ERBB4: variants seen among roughly 807,000 people sequenced by gnomAD.
ERBB4 encodes the protein erb-b2 receptor tyrosine kinase 4.
ERBB4 carries 42 observed loss-of-function variants against 158.0 expected under a neutral mutation model. The ratio of observed to expected loss-of-function variants is 0.27; its 90% confidence interval spans 0.21 to 0.34. ERBB4 has a LOEUF of 0.34. ERBB4 is among the 10% of genes least tolerant of loss of function. ERBB4 has a pLI of 1.00. For synonymous variants in ERBB4, 583 were observed against 558.7 expected, an observed-to-expected ratio of 1.04 and a Z score of -0.61; for missense variants, 1,333 against 1,624.1, an observed-to-expected ratio of 0.82 and a Z score of 3.08.
intron 3 of ERBB4, among the ~76,000 whole-genome samples, chr2:211,857,941 A>G (rs896757213): frequency 7.2e-5 from 11 of 152,240 alleles, no homozygotes; most frequent in African/African-American, 2.7e-4. Flanking sequence ...TATGAGGAAA[A>G]TGGTGAGTAC....
At chr2:212,282,474 T>G (rs1055757877) in intron 1 of ERBB4, among the ~76,000 whole-genome samples, 14 of 151,972 alleles carry the variant, frequency 9.2e-5, no homozygotes, top group Admixed American at 6.6e-5. Flanking sequence ...AGATACAAAC[T>G]CTATTTGATT....
intron 5 of ERBB4, among the ~76,000 whole-genome samples, chr2:211,748,573 G>C (rs2075039716): frequency 6.6e-6 from 1 of 152,164 alleles, no homozygotes; most frequent in South Asian, 2.1e-4. Flanking sequence ...CAGATCTATG[G>C]TGAGTCCCTC....
chr2:211,508,672 C>A (rs910179235), intron 20 of ERBB4, among the ~76,000 whole-genome samples: 3 of 152,142 alleles, frequency 2.0e-5, no homozygotes, highest in Non-Finnish European at 4.4e-5. Flanking sequence ...AAGTCACATG[C>A]ACACATATGT....
At chr2:211,734,046 T>C (rs2074519879) in intron 5 of ERBB4, among the ~76,000 whole-genome samples, 1 of 151,930 alleles carries the variant, frequency 6.6e-6, no homozygotes, top group South Asian at 2.1e-4. Flanking sequence ...ATTTAAAAAA[T>C]TTTGAAAAAA....
At chr2:211,441,830 A>G (rs897448924) in intron 20 of ERBB4, among the ~76,000 whole-genome samples, 3 of 152,140 alleles carry the variant, frequency 2.0e-5, no homozygotes, top group African/African-American at 7.2e-5. Flanking sequence ...GCTATTCTTG[A>G]GTCCCTAGTA....
chr2:212,420,505 T>C (rs187791056), intron 1 of ERBB4, among the ~76,000 whole-genome samples: 5 of 152,276 alleles, frequency 3.3e-5, no homozygotes, highest in Admixed American at 6.5e-5. Context: ...GCATGTATTT[T>C]AATTATGAAA....
At chr2:211,493,317 C>T (rs1438823140) in intron 20 of ERBB4, among the ~76,000 whole-genome samples, 1 of 151,918 alleles carries the variant, frequency 6.6e-6, no homozygotes, top group African/African-American at 2.4e-5. Context: ...GGCAAAAATG[C>T]CCAATTTAAT....
chr2:212,253,230 G>A (rs1319277152), intron 1 of ERBB4, among the ~76,000 whole-genome samples: 2 of 151,954 alleles, frequency 1.3e-5, no homozygotes, highest in Non-Finnish European at 2.9e-5. Context: ...AAATTTCCTG[G>A]TAACCCTCTT....
At chr2:212,353,316 C>A (rs1382850551) in intron 1 of ERBB4, among the ~76,000 whole-genome samples, 2 of 150,152 alleles carry the variant, frequency 1.3e-5, no homozygotes, top group Non-Finnish European at 3.0e-5. Context: ...AAAAGATATA[C>A]AAATGTATAT....
intron 2 of ERBB4, among the ~76,000 whole-genome samples, chr2:212,078,153 A>G (rs1043510873): frequency 2.6e-5 from 4 of 152,114 alleles, no homozygotes; most frequent in African/African-American, 9.6e-5. Flanking sequence ...TATAATTTTC[A>G]TCACAGATAT....
At chr2:212,089,012 AAATAAT>A (rs1156609914) in intron 2 of ERBB4, among the ~76,000 whole-genome samples, 5 of 152,130 alleles carry the variant, frequency 3.3e-5, no homozygotes, top group Admixed American at 6.6e-5. Context: ...TAGAATTCTG[AAATAAT>A]AATAACAATA....
intron 1 of ERBB4, among the ~76,000 whole-genome samples, chr2:212,305,642 T>C (rs1290772241): frequency 1.3e-5 from 2 of 151,366 alleles, no homozygotes; most frequent in Non-Finnish European, 3.0e-5. Context: ...GAAACTGGAA[T>C]GTAAAATATT....
chr2:212,023,437 A>T (rs2076700951), intron 2 of ERBB4, among the ~76,000 whole-genome samples: 1 of 152,070 alleles, frequency 6.6e-6, no homozygotes, highest in South Asian at 2.1e-4. Flanking sequence ...ACAAGCTTTA[A>T]ATGATAGACA....
At chr2:212,413,461 A>G (rs934658106) in intron 1 of ERBB4, among the ~76,000 whole-genome samples, 1 of 152,150 alleles carries the variant, frequency 6.6e-6, no homozygotes, top group African/African-American at 2.4e-5. Flanking sequence ...TATTTCATTT[A>G]TTTAATTGGA....
chr2:212,531,384 C>G (rs1359435910), intron 1 of ERBB4, among the ~76,000 whole-genome samples: 1 of 152,126 alleles, frequency 6.6e-6, no homozygotes, highest in Non-Finnish European at 1.5e-5. Flanking sequence ...GGCAAAGGTG[C>G]TATAGAAATA....
At position 211,849,792 on chromosome 2, in the gene ERBB4, A is replaced by C. The variant is rs145041897; in HGVS notation, c.422-61633T>G. On this transcript the variant is annotated intron_variant, in intron 3 of 27. Coordinates refer to ENST00000342788, the MANE Select transcript of ERBB4 (RefSeq NM_005235.3). The stretch of plus-strand genomic sequence containing the variant: ...GATCATCTTTCTATATTGGCATTCC[A>C]AAGAGTAGAACCAAAAGTATATCTT... Among the ~76,000 whole-genome samples, 426 of 151,998 alleles carry C rather than the reference A, an allele frequency of 2.8e-3. 5 individuals carry two copies. Among genetic ancestry groups the C allele is most frequent in the African/African-American group, 9.8e-3 (407 of 41,518 alleles).
intron 2 of ERBB4, among the ~76,000 whole-genome samples, chr2:212,034,523 CAAT>C (rs539805961): frequency 6.7e-4 from 102 of 152,038 alleles, no homozygotes; most frequent in Admixed American, 1.8e-3. Context: ...GTGATCCGTA[CAAT>C]AATTTTACTC....
chr2:212,484,777 T>C (rs1051488580), intron 1 of ERBB4, among the ~76,000 whole-genome samples: 1 of 152,200 alleles, frequency 6.6e-6, no homozygotes, highest in Non-Finnish European at 1.5e-5. Flanking sequence ...TCAAGTATTC[T>C]GGTAACACTA....
chr2:211,705,185 C>G, intron 10 of ERBB4, 133 bp downstream of exon 10: 1 of 709,006 alleles, frequency 1.4e-6, no homozygotes, highest in South Asian at 1.5e-5. Flanking sequence ...ATCTCCTGAC[C>G]TCATGATCCA....
Sources: gnomAD v4.1 joint callset for allele counts (sites outside exome capture counted in the v4.1 genomes callset) on GRCh38, gnomAD v4.1.1 for gene constraint, MANE v1.5 for transcripts, NCBI Gene and HGNC (gene_info 2026-07-23, HGNC 2026-07-21) for gene names.